The following ERMP1 variants were observed in gnomAD, a reference collection of about 807,000 sequenced individuals.
ERMP1 encodes Felix-ina.
In ERMP1, 86 loss-of-function variants were observed where a neutral mutation model predicts 92.0. The ratio of observed to expected loss-of-function variants is 0.93; its 90% CI spans 0.79 to 1.12. The LOEUF (loss-of-function observed/expected upper bound fraction) is 1.12. ERMP1 is among the 50% of genes most tolerant of loss of function. The pLI is 0.00. For synonymous variants in ERMP1, 530 were observed against 412.8 expected (o/e 1.28, Z -3.44); for missense variants, 1,342 against 1,116.3 (o/e 1.20, Z -2.88).
At chr9:5,789,366 T>TA (rs1236488993) in intron 13 of ERMP1, among the ~76,000 whole-genome samples, 1 of 152,234 alleles carries the variant, frequency 6.6e-6, no homozygotes, top group Non-Finnish European at 1.5e-5. Flanking sequence ...CAACAATTTT[T>TA]AAAAACTCAA....
intron 6 of ERMP1, among the ~76,000 whole-genome samples, chr9:5,848,229 G>A (rs1213396178): frequency 3.9e-5 from 6 of 152,178 alleles, no homozygotes; most frequent in Non-Finnish European, 8.8e-5. Flanking sequence ...AGTTATCTGG[G>A]TGGGCCTGAT....
chr9:5,788,996 A>C (rs1376397640), intron 13 of ERMP1, among the ~76,000 whole-genome samples: 5 of 152,218 alleles, frequency 3.3e-5, no homozygotes, highest in Admixed American at 1.3e-4. Flanking sequence ...GGGAAAAAGC[A>C]AAGTAAAAAA....
chr9:5,846,075 C>T (rs192490349), intron 6 of ERMP1, among the ~76,000 whole-genome samples: 319 of 152,282 alleles, frequency 2.1e-3, no homozygotes, highest in Middle Eastern at 6.8e-3. Flanking sequence ...GGATTCTGCA[C>T]CCCTAACACA....
chr9:5,829,330 C>A (rs1829852038), intron 2 of ERMP1, among the ~76,000 whole-genome samples: 1 of 151,718 alleles, frequency 6.6e-6, no homozygotes, highest in Non-Finnish European at 1.5e-5. Context: ...ATGCAAGTTA[C>A]ATTCTAAACG....
intron 5 of ERMP1, among the ~76,000 whole-genome samples, chr9:5,865,557 G>C (rs955716341): frequency 1.9e-4 from 29 of 150,006 alleles, no homozygotes; most frequent in African/African-American, 6.6e-4. Context: ...TGCAGGCCGG[G>C]CGCAGTGGCT....
At chr9:5,833,565 A>G (rs894997489), upstream of ERMP1, among the ~76,000 whole-genome samples, 1 of 152,238 alleles carries the variant, frequency 6.6e-6, no homozygotes, top group Non-Finnish European at 1.5e-5. Context: ...AATCTGTGCT[A>G]TTACTGTCTC....
chr9:5,842,430 G>C (rs1196029017), intron 6 of ERMP1, among the ~76,000 whole-genome samples: 1 of 75,534 alleles, frequency 1.3e-5, no homozygotes, highest in African/African-American at 4.7e-5. Flanking sequence ...GAACGAGACT[G>C]TCTCAAAAAA....
chr9:5,801,319 T>G lies in ERMP1; in HGVS notation c.1924A>C (p.Ile642Leu). ...MILSSYFINF[I>L]YLAKSTKKTM... ...TTTTTTGTGCTCTTGGCAAGGTAGATGAAGTTAATCTGAAACACAAACCAC... is the reference window on the plus strand; with the variant it reads ...TTTTTTGTGCTCTTGGCAAGGTAGAGGAAGTTAATCTGAAACACAAACCAC... Residue 642 changes from isoleucine (I) to leucine (L), a missense_variant, in exon 11 of 15, where the codon ATC (isoleucine) becomes CTC (leucine). Ile to Leu is a conservative substitution (Grantham distance 5). Transcript: ENST00000339450. 6.2e-7 allele frequency: 1 copy of G among 1,611,002 alleles called. No homozygotes were observed. Among genetic ancestry groups the G allele is most frequent in the East Asian group, 2.2e-5 (1 of 44,776 alleles).
chr9:5,841,882 G>C (rs1390695931), intron 6 of ERMP1, among the ~76,000 whole-genome samples: 2 of 152,150 alleles, frequency 1.3e-5, no homozygotes, highest in Non-Finnish European at 2.9e-5. Flanking sequence ...CCTTGTGGTG[G>C]GTTTGTGGTC....
rs577586802 is a variant in ERMP1 at position 5,804,452 on chromosome 9, G to A, written c.1914+575C>T. Among the ~76,000 whole-genome samples the A allele has an allele frequency of 1.1e-3, 169 of 152,272 alleles. 1 individual carries two copies. The highest frequency in any genetic ancestry group is 4.0e-3 in the African/African-American group (166 of 41,540). On this transcript the variant is annotated intron_variant, in intron 10 of 14. Coordinates refer to ENST00000339450, the MANE Select transcript of ERMP1 (RefSeq NM_024896.3). ...CCTTACTAGGGCAGGACACTGATAC[G>A]GCAAAATGAGGACTGACAAGGCCTG...
intron 4 of ERMP1, among the ~76,000 whole-genome samples, chr9:5,815,145 C>G (rs1829252978): frequency 1.3e-5 from 2 of 152,118 alleles, no homozygotes; most frequent in Non-Finnish European, 2.9e-5. Context: ...TTCCAAAACT[C>G]ATAGAATTCA....
intron 13 of ERMP1, among the ~76,000 whole-genome samples, chr9:5,788,898 GACAATT>G (rs1828053453): frequency 6.6e-6 from 1 of 151,968 alleles, no homozygotes; most frequent in African/African-American, 2.4e-5. Context: ...TAGAAATGAA[GACAATT>G]ACAAGATGCC....
intron 3 of ERMP1, 139 bp downstream of exon 3, chr9:5,824,953 A>G: frequency 1.3e-6 from 1 of 764,920 alleles, no homozygotes; most frequent in Middle Eastern, 3.8e-4. Flanking sequence ...TACTGCTCAT[A>G]AAGTATTTTT....
At chr9:5,865,701 G>A (rs1028682583) in intron 5 of ERMP1, among the ~76,000 whole-genome samples, 4 of 150,112 alleles carry the variant, frequency 2.7e-5, no homozygotes, top group Non-Finnish European at 4.4e-5. Flanking sequence ...AGCTGGGCGT[G>A]GTGGTGCACG....
At chr9:5,795,556 G>C (rs1319676414) in intron 13 of ERMP1, among the ~76,000 whole-genome samples, 1 of 152,178 alleles carries the variant, frequency 6.6e-6, no homozygotes, top group African/African-American at 2.4e-5. Flanking sequence ...GAGGCAGGCG[G>C]ATCACAAGGT....
chr9:5,789,231 T>C (rs1029912475), intron 13 of ERMP1, among the ~76,000 whole-genome samples: 2 of 152,012 alleles, frequency 1.3e-5, no homozygotes, highest in East Asian at 1.9e-4. Flanking sequence ...AGTAAAACTA[T>C]TAGATTTCAA....
At chr9:5,825,420 T>C (rs928176322) in intron 2 of ERMP1, among the ~76,000 whole-genome samples, 1 of 152,208 alleles carries the variant, frequency 6.6e-6, no homozygotes, top group Non-Finnish European at 1.5e-5. Context: ...GTTTGCTCAC[T>C]GACTTACTCT....
intron 2 of ERMP1, among the ~76,000 whole-genome samples, chr9:5,829,283 G>C (rs367878965): frequency 6.6e-6 from 1 of 151,538 alleles, no homozygotes; most frequent in East Asian, 1.9e-4. Flanking sequence ...GGTACTTCTG[G>C]CTTATTTAAC....
intron 6 of ERMP1, among the ~76,000 whole-genome samples, chr9:5,840,029 G>A (rs1465441644): frequency 8.5e-5 from 13 of 152,282 alleles, no homozygotes; most frequent in Admixed American, 8.5e-4. Flanking sequence ...ATCACTTGAG[G>A]TCAGGAGTTT....
Sources: allele counts gnomAD v4.1 joint callset (sites outside exome capture counted in the v4.1 genomes callset), GRCh38; gene constraint gnomAD v4.1.1; transcripts MANE v1.5; gene names NCBI Gene and HGNC (gene_info 2026-07-23, HGNC 2026-07-21).